The following RIPK2 variants were observed in gnomAD, a reference collection of about 807,000 sequenced individuals.
RIPK2 encodes receptor-interacting serine/threonine-protein kinase 2.
Under a neutral mutation model 60.9 loss-of-function variants are expected in RIPK2, and 38 were observed. The ratio of observed to expected loss-of-function variants is 0.62; its 90% CI spans 0.48 to 0.82. The LOEUF is 0.82. Ranked by LOEUF, RIPK2 falls within the 40% of genes least tolerant of loss-of-function variation. The pLI is 0.00. For missense variants in RIPK2, 518 were observed against 647.0 expected (o/e 0.80, Z 2.16); for synonymous variants, 225 against 223.4 (o/e 1.01, Z -0.06).
intron 3 of RIPK2, among the ~76,000 whole-genome samples, chr8:89,766,811 A>C (rs1408312611): frequency 1.3e-5 from 2 of 149,900 alleles, no homozygotes; most frequent in Non-Finnish European, 3.0e-5. Context: ...GTTTTCAGTG[A>C]AATGTCTCTC....
intron 6 of RIPK2, among the ~76,000 whole-genome samples, chr8:89,776,516 T>C (rs1809400382): frequency 6.6e-6 from 1 of 152,254 alleles, no homozygotes; most frequent in Non-Finnish European, 1.5e-5. Context: ...GCAGTGATCT[T>C]ATCACACCTT....
At chr8:89,770,700 A>G (rs1452837938) in intron 4 of RIPK2, among the ~76,000 whole-genome samples, 1 of 151,844 alleles carries the variant, frequency 6.6e-6, no homozygotes, top group East Asian at 1.9e-4. Context: ...GAATCATTTT[A>G]GGAATGAATG....
chr8:89,784,451 A>T (rs78037653), intron 8 of RIPK2, among the ~76,000 whole-genome samples: 5,423 of 152,294 alleles, frequency 0.036, 289 homozygotes, highest in East Asian at 0.25. Context: ...TTACAGTTTT[A>T]ACACTGTATT....
Position 89,790,646 on chromosome 8 carries a change from C to T in RIPK2, c.*230C>T, listed in dbSNP as rs1027492574. 2.5e-5 allele frequency: 10 copies of T among 397,748 alleles called. No homozygotes were observed. The highest frequency in any genetic ancestry group is 4.1e-5 in the African/African-American group (2 of 49,004). The allele number at this position is 397,748 out of a possible 1,614,324, so 24.6% of individuals were successfully genotyped here. On this transcript the variant is annotated 3_prime_UTR_variant, in exon 11 of 11. Coordinates refer to ENST00000220751, the MANE Select transcript of RIPK2 (RefSeq NM_003821.6). Reference sequence around the variant, plus strand: ...ATGTCTCTTTTGTTAACAGAAACCACTTTTAAAGGATAGTAATTATTCTTG... The same window carrying T: ...ATGTCTCTTTTGTTAACAGAAACCATTTTTAAAGGATAGTAATTATTCTTG...
In RIPK2 at chr8:89,762,902, G is replaced by A; in HGVS notation, c.247G>A (p.Gly83Arg). ...ARFSYILPIL[G>R]ICNEPEFLGI... is the part of the protein sequence containing the mutation. Reference sequence around the variant, plus strand: ...ATTTAGTTACATTCTTCCAATTTTGGGAATTTGCAATGAGCCTGAATTTTT... The same window carrying A: ...ATTTAGTTACATTCTTCCAATTTTGAGAATTTGCAATGAGCCTGAATTTTT... Residue 83 changes from glycine to arginine, a missense_variant, in exon 2 of 11, where the codon GGA (glycine) becomes AGA (arginine). Gly to Arg is a moderately radical substitution (Grantham distance 125, BLOSUM62 -2). Around this residue, in one of 3 missense-constraint regions of RIPK2, gnomAD observed 448 missense variants for 534.7 expected, o/e 0.84. Transcript: ENST00000220751. 6.5e-7 allele frequency: 1 copy of A among 1,542,240 alleles called. No individual in the cohort carries two copies. The highest frequency in any genetic ancestry group is 8.8e-7 in the Non-Finnish European group (1 of 1,137,892).
At position 89,780,067 on chromosome 8, in the gene RIPK2, T is replaced by A. The variant is rs926278669; in HGVS notation, c.854-8T>A. On this transcript the variant is annotated splice_region_variant and splice_polypyrimidine_tract_variant and intron_variant, in intron 6 of 10. Transcript: ENST00000220751. ...TGAACTCAACCTGTATTTTTTTCTC[T>A]TATGTAGAATGTTTAATAGAACTTG... 1.4e-6 allele frequency: 2 copies of A among 1,390,908 alleles called. No homozygotes were observed. Among genetic ancestry groups the A allele is most frequent in the African/African-American group, 2.9e-5 (2 of 69,550 alleles). The allele number at this position is 1,390,908 out of a possible 1,614,324, so 86.2% of individuals were successfully genotyped here.
intron 1 of RIPK2, among the ~76,000 whole-genome samples, chr8:89,760,078 T>C (rs1270817993): frequency 6.6e-6 from 1 of 152,218 alleles, no homozygotes; most frequent in Non-Finnish European, 1.5e-5. Context: ...GATCTTATCA[T>C]TGCAGTATTT....
In RIPK2 at chr8:89,780,086, G is replaced by T; in HGVS notation, c.865G>T (p.Glu289Ter). 1 of 1,532,952 alleles carries T rather than the reference G, an allele frequency of 6.5e-7. No homozygotes were observed. Among genetic ancestry groups the T allele is most frequent in the South Asian group, 1.2e-5 (1 of 84,012 alleles). The allele number at this position is 1,532,952 out of a possible 1,614,324, so 95.0% of individuals were successfully genotyped here. A position where few individuals can be genotyped will look rare whatever the true frequency, so the allele number is the denominator to read the frequency against. Residue 289 changes from glutamate (E) to a stop codon, truncating the protein, a stop_gained, in exon 7 of 11, where the codon GAA becomes TAA. Transcript: ENST00000220751. LOFTEE classifies it high-confidence loss of function. Reference sequence around the variant, plus strand: ...TTTCTCTTATGTAGAATGTTTAATAGAACTTGAACCAGTTTTGAGAACATT... The same window carrying T: ...TTTCTCTTATGTAGAATGTTTAATATAACTTGAACCAGTTTTGAGAACATT... ...ERPSFLKCLIELEPVLRTFEE... is the reference protein window; with the variant it reads ...ERPSFLKCLI
intron 9 of RIPK2, among the ~76,000 whole-genome samples, chr8:89,787,408 T>C (rs1421051235): frequency 1.3e-5 from 2 of 152,210 alleles, no homozygotes; most frequent in Admixed American, 6.5e-5. Flanking sequence ...CTGGATCACA[T>C]AGCTAGTAGC....
chr8:89,783,634 G>C (rs1477995231), intron 7 of RIPK2, among the ~76,000 whole-genome samples: 1 of 152,046 alleles, frequency 6.6e-6, no homozygotes, highest in Admixed American at 6.5e-5. Flanking sequence ...AGTACTTACA[G>C]GCACAGTGCC....
chr8:89,783,577 A>T (rs1254491395), intron 7 of RIPK2, among the ~76,000 whole-genome samples: 1 of 152,104 alleles, frequency 6.6e-6, no homozygotes, highest in African/African-American at 2.4e-5. Flanking sequence ...TACCTCCTTT[A>T]CTTAGTCCAA....
chr8:89,760,796 AAAG>A (rs1227681910), intron 1 of RIPK2, among the ~76,000 whole-genome samples: 1 of 152,214 alleles, frequency 6.6e-6, no homozygotes, highest in Non-Finnish European at 1.5e-5. Context: ...GTCACAGTGG[AAAG>A]AAGAATGCCT....
Position 89,785,343 on chromosome 8 carries a change from C to T in RIPK2, c.1029+1204C>T, listed in dbSNP as rs533055268. ...TATAAAAATTAGCTGGGCATGGTGGCGCATGCCTGTAATCCCAGCTACTCG... is the reference window on the plus strand; with the variant it reads ...TATAAAAATTAGCTGGGCATGGTGGTGCATGCCTGTAATCCCAGCTACTCG... On this transcript the variant is annotated intron_variant, in intron 8 of 10. Coordinates refer to ENST00000220751, the MANE Select transcript of RIPK2 (RefSeq NM_003821.6). Among the ~76,000 whole-genome samples the T allele has an allele frequency of 3.9e-5, 6 of 152,068 alleles. No homozygotes were observed. The East Asian group carries it at 5.8e-4, about 15-fold the overall frequency.
At position 89,762,878 on chromosome 8, in the gene RIPK2, T is replaced by C. The variant is rs755314512; in HGVS notation, c.223T>C (p.Phe75Leu). The C allele has an allele frequency of 1.3e-6, 2 of 1,529,906 alleles. No individual in the cohort carries two copies. Among genetic ancestry groups the C allele is most frequent in the South Asian group, 1.3e-5 (1 of 76,162 alleles). 94.8% of individuals were successfully genotyped at this position (1,529,906 alleles called of 1,614,324 possible). ...AGCTGAAATTTTACACAAAGCTAGA[T>C]TTAGTTACATTCTTCCAATTTTGGG... is the stretch of plus-strand genomic sequence containing the variant. The part of the protein sequence containing the change: ...REAEILHKAR[F>L]SYILPILGIC... Residue 75 changes from phenylalanine to leucine, a missense_variant, in exon 2 of 11, where the codon TTT becomes CTT. Around this residue, in one of 3 missense-constraint regions of RIPK2, gnomAD observed 448 missense variants for 534.7 expected, o/e 0.84. Transcript: ENST00000220751.
At chr8:89,759,432 G>T in intron 1 of RIPK2, 1 of 455,610 alleles carries the variant, frequency 2.2e-6, no homozygotes, top group Non-Finnish European at 4.4e-6. Flanking sequence ...CCCGATGCCT[G>T]ATTGGCCAGA....
chr8:89,772,466 T>G (rs1056409996), intron 5 of RIPK2, among the ~76,000 whole-genome samples: 1 of 152,058 alleles, frequency 6.6e-6, no homozygotes, highest in African/African-American at 2.4e-5. Flanking sequence ...ATTAATGAGG[T>G]GAGGATATAA....
At chr8:89,777,498 A>T (rs181548812) in intron 6 of RIPK2, among the ~76,000 whole-genome samples, 2 of 152,194 alleles carry the variant, frequency 1.3e-5, no homozygotes, top group African/African-American at 4.8e-5. Context: ...TCTAGTAATA[A>T]GAACTTAGAG....
In RIPK2 at chr8:89,772,684, C is replaced by T; in HGVS notation, c.709C>T (p.Gln237Ter). Residue 237 changes from glutamine (Q) to a stop codon, truncating the protein, a stop_gained, in exon 6 of 11, where the codon CAG (glutamine) becomes TAG (stop). Coordinates refer to ENST00000220751, the MANE Select transcript of RIPK2 (RefSeq NM_003821.6). LOFTEE classifies it high-confidence loss of function. ...QPFEDVTNPL[Q>*]IMYSVSQGHR... ...TTTGACAGATGTCACCAATCCTTTG[C>T]AGATAATGTATAGTGTGTCACAAGG... is the stretch of plus-strand genomic sequence containing the variant. 1 of 1,602,562 alleles carries T rather than the reference C, an allele frequency of 6.2e-7. No homozygotes were observed. Among genetic ancestry groups the T allele is most frequent in the Non-Finnish European group, 8.5e-7 (1 of 1,174,462 alleles).
chr8:89,786,749 T>TC lies in RIPK2; in HGVS notation c.1123+63_1123+64insC, dbSNP rs61162436. The stretch of plus-strand genomic sequence containing the variant: ...TTCCATTTTCTTTCAAGATCAAATT[T>TC]TTGCAAGCAGTCATGATTTCTATGG... On this transcript the variant is annotated intron_variant, in intron 9 of 10. Coordinates refer to ENST00000220751, the MANE Select transcript of RIPK2 (RefSeq NM_003821.6). The TC allele has an allele frequency of 0.017, 16,520 of 973,384 alleles. 1,192 individuals are homozygous for TC. In the African/African-American group the frequency reaches 0.19, roughly 11 times the overall value. 60.3% of individuals were successfully genotyped at this position (973,384 alleles called of 1,614,324 possible).
Sources: gnomAD v4.1 joint callset for allele counts (sites outside exome capture counted in the v4.1 genomes callset) on GRCh38, gnomAD v4.1.1 for gene constraint, gnomAD v4.1.1 regional missense constraint, MANE v1.5 for transcripts, NCBI Gene and HGNC (gene_info 2026-07-23, HGNC 2026-07-21) for gene names.